The following ADGRE2 variants were observed in gnomAD, a reference collection of about 807,000 sequenced individuals.
The protein encoded by ADGRE2 is adhesion G protein-coupled receptor E2.
ADGRE2 carries 83 observed loss-of-function variants against 100.8 expected under a neutral mutation model. The observed-to-expected ratio is 0.82, with a 90% CI of 0.69 to 0.99. ADGRE2 has a LOEUF of 0.99. ADGRE2 is among the 50% of genes least tolerant of loss of function. The pLI, the probability that ADGRE2 is intolerant of heterozygous loss-of-function variation, is 0.00. For missense variants in ADGRE2, 814 were observed against 1,035.7 expected (o/e 0.79, Z 2.94); for synonymous variants, 355 against 413.0 (o/e 0.86, Z 1.70).
In ADGRE2 at chr19:14,755,630, C is replaced by T. The variant is rs967509647; in HGVS notation, c.1416+24G>A. On this transcript the variant is annotated intron_variant, in intron 13 of 20. Coordinates refer to ENST00000315576, the MANE Select transcript of ADGRE2 (RefSeq NM_013447.4). ...TGCCCGGACTCAGACTATTCACCCA[C>T]CAACCAACTCCACCAGCACTCACAC... is the stretch of plus-strand genomic sequence containing the variant. 3 of 1,608,644 alleles carry T rather than the reference C, an allele frequency of 1.9e-6. No individual in the cohort carries two copies. In the East Asian group the frequency reaches 6.7e-5, roughly 36 times the overall value.
intron 2 of ADGRE2, 135 bp from the exon 3 acceptor site, chr19:14,774,441 G>A (rs114545999): frequency 6.7e-7 from 1 of 1,481,506 alleles, no homozygotes; most frequent in East Asian, 2.4e-5. Context: ...AACAGAGTGA[G>A]CAGATGTCAC....
chr19:14,771,230 A>G (rs1208521359), intron 5 of ADGRE2, among the ~76,000 whole-genome samples: 1 of 152,160 alleles, frequency 6.6e-6, no homozygotes, highest in African/African-American at 2.4e-5. Context: ...TTCTCTTTAC[A>G]GCAGGGCAGG....
At chr19:14,757,649 T>C (rs2043548859) in intron 11 of ADGRE2, among the ~76,000 whole-genome samples, 1 of 152,074 alleles carries the variant, frequency 6.6e-6, no homozygotes, top group Admixed American at 6.6e-5. Context: ...TACTGGATAG[T>C]AACATGAAAA....
At chr19:14,742,770 A>T (rs981733860) in intron 20 of ADGRE2, among the ~76,000 whole-genome samples, 1 of 152,132 alleles carries the variant, frequency 6.6e-6, no homozygotes, top group Admixed American at 6.6e-5. Flanking sequence ...GAGGAAAGGG[A>T]TAGGGTAAAT....
chr19:14,769,821 C>T (rs2044129935), intron 5 of ADGRE2, among the ~76,000 whole-genome samples: 1 of 152,170 alleles, frequency 6.6e-6, no homozygotes, highest in Non-Finnish European at 1.5e-5. Context: ...GCCTCAGTCT[C>T]TGATTAGCTG....
At chr19:14,765,924 G>C (rs1247491993) in intron 7 of ADGRE2, 120 bp from the exon 8 acceptor site, 21 of 1,537,538 alleles carry the variant, frequency 1.4e-5, no homozygotes, top group African/African-American at 2.7e-5. Context: ...GTGGACGCTG[G>C]GTTATGGAAG....
chr19:14,767,339 C>T (rs1054446578), intron 5 of ADGRE2, among the ~76,000 whole-genome samples: 14 of 151,666 alleles, frequency 9.2e-5, no homozygotes, highest in South Asian at 2.1e-4. Context: ...CCCGGGTTCA[C>T]GCCATTCTCC....
intron 17 of ADGRE2, among the ~76,000 whole-genome samples, 185 bp downstream of exon 17, chr19:14,746,711 C>T (rs934839759): frequency 2.0e-5 from 3 of 152,130 alleles, no homozygotes; most frequent in Non-Finnish European, 4.4e-5. Flanking sequence ...GAATTATACA[C>T]GTAAGTCTTT....
At chr19:14,772,032 T>G (rs1246646613) in intron 5 of ADGRE2, 3 of 409,986 alleles carry the variant, frequency 7.3e-6, no homozygotes, top group African/African-American at 6.0e-5. Flanking sequence ...TAGGCCATTA[T>G]TATCATCCTC....
At chr19:14,741,330 C>T (rs2147119164) in intron 20 of ADGRE2, 1 of 152,142 alleles carries the variant, frequency 6.6e-6, no homozygotes, top group Middle Eastern at 3.4e-3. Flanking sequence ...CTCCTGGCCT[C>T]AGGTGATTTG....
At chr19:14,770,676 T>TTTTC (rs1568623219) in intron 5 of ADGRE2, among the ~76,000 whole-genome samples, 2 of 117,430 alleles carry the variant, frequency 1.7e-5, no homozygotes, top group Non-Finnish European at 3.5e-5. Flanking sequence ...TTTCTTTTTT[T>TTTTC]TTTTTTTTTT....
rs372019586 is a variant in ADGRE2, at chr19:14,758,037, C to G, written c.1085-1692G>C. On this transcript the variant is annotated intron_variant, in intron 11 of 20. Coordinates refer to ENST00000315576, the MANE Select transcript of ADGRE2 (RefSeq NM_013447.4). Reference sequence around the variant, plus strand: ...TGTTGGCCAGGCTGGTCTCAAACTCCTGACCTCAGGTGATCCGCCCACATT... The same window carrying G: ...TGTTGGCCAGGCTGGTCTCAAACTCGTGACCTCAGGTGATCCGCCCACATT... Among the ~76,000 whole-genome samples the G allele has an allele frequency of 1.2e-3, 186 of 152,336 alleles. 1 individual carries two copies. Among genetic ancestry groups the G allele is most frequent in the African/African-American group, 4.4e-3 (184 of 41,588 alleles).
intron 9 of ADGRE2, 60 bp downstream of exon 9, chr19:14,765,464 A>G (rs2043922804): frequency 6.2e-7 from 1 of 1,612,560 alleles, no homozygotes; most frequent in African/African-American, 1.3e-5. Flanking sequence ...GAACAAGGAG[A>G]CGGATGCAGT....
At chr19:14,732,327 CAT>C (rs1276477669), downstream of ADGRE2, 2 of 152,052 alleles carry the variant, frequency 1.3e-5, no homozygotes, top group Non-Finnish European at 2.9e-5. Context: ...AAAAAAAAGA[CAT>C]AATGCTATTG....
In ADGRE2 at chr19:14,763,679, T is replaced by C. The variant is rs113613314; in HGVS notation, c.1084+754A>G. On this transcript the variant is annotated intron_variant, in intron 11 of 20. Coordinates refer to ENST00000315576, the MANE Select transcript of ADGRE2 (RefSeq NM_013447.4). ...TCTCGTCTCCTCCTCCTCTCCTCCT[T>C]CTCTTCTCCTCCTCTTCTCCTTCTC... Among the ~76,000 whole-genome samples the C allele has an allele frequency of 8.5e-3, 718 of 84,636 alleles. 5 individuals carry two copies. Among genetic ancestry groups the C allele is most frequent in the African/African-American group, 0.029 (639 of 22,078 alleles). The allele number at this position is 84,636 out of a possible 152,430, so 55.5% of individuals were successfully genotyped here.
chr19:14,776,464 T>G (rs1568632825), intron 2 of ADGRE2: 1 of 506,200 alleles, frequency 2.0e-6, no homozygotes, highest in Admixed American at 3.3e-5. Context: ...GATGCCAAAC[T>G]GGCTCCAGTA....
At chr19:14,769,078 C>G (rs2044097306) in intron 5 of ADGRE2, 2 of 152,184 alleles carry the variant, frequency 1.3e-5, no homozygotes, top group Non-Finnish European at 2.9e-5. Flanking sequence ...AGTGCCAGCC[C>G]CCTTTTTGTT....
chr19:14,766,183 A>G lies in ADGRE2; in HGVS notation c.634+52T>C, dbSNP rs149317531. 3.7e-4 allele frequency: 602 copies of G among 1,613,244 alleles called. 3 individuals are homozygous for G. In the African/African-American group the frequency reaches 6.6e-3, roughly 18 times the overall value. On this transcript the variant is annotated intron_variant, in intron 7 of 20. Transcript: ENST00000315576. ...TTGGTTTGTGTGGGCGCCGTTGAAC[A>G]TGTGATCAGATGTTTGTGGGTCTCT... is the stretch of plus-strand genomic sequence containing the variant.
Position 14,776,832 on chromosome 19 carries a change from G to C in ADGRE2, c.-76C>G. The stretch of plus-strand genomic sequence containing the variant: ...CAGGGCTGTCCCGTCTCCGCAGGCT[G>C]GGCAGCTGTGCGGGCTGTCCCGAGG... On this transcript the variant is annotated 5_prime_UTR_variant, in exon 2 of 21. Transcript: ENST00000315576. The C allele has an allele frequency of 6.3e-7, 1 of 1,598,674 alleles. No individual in the cohort carries two copies. Among genetic ancestry groups the C allele is most frequent in the East Asian group, 2.3e-5 (1 of 43,722 alleles).
Sources: gnomAD v4.1 joint callset for allele counts (sites outside exome capture counted in the v4.1 genomes callset) on GRCh38, gnomAD v4.1.1 for gene constraint, MANE v1.5 for transcripts, NCBI Gene and HGNC (gene_info 2026-07-23, HGNC 2026-07-21) for gene names.